The following ENPP2 variants were observed in gnomAD, a reference collection of about 807,000 sequenced individuals.
ENPP2 encodes the protein ectonucleotide pyrophosphatase/phosphodiesterase 2, also known as autotaxin.
A neutral mutation model predicts 120.2 loss-of-function variants in ENPP2; 51 were observed. That is an observed-to-expected ratio of 0.42 (90% CI 0.34 to 0.54). The LOEUF is 0.54. Ranked by LOEUF, ENPP2 falls within the 20% of genes least tolerant of loss-of-function variation. ENPP2 has a pLI of 0.04. For missense variants in ENPP2, 920 were observed against 1,066.5 expected, an observed-to-expected ratio of 0.86 and a Z score of 1.91; for synonymous variants, 365 against 366.4, an observed-to-expected ratio of 1.00 and a Z score of 0.04.
chr8:119,639,816 T>C (rs1817217334), upstream of ENPP2, among the ~76,000 whole-genome samples: 1 of 152,230 alleles, frequency 6.6e-6, no homozygotes, highest in Non-Finnish European at 1.5e-5. Context: ...GTTTCTTTAC[T>C]AAGCAATTTG....
At position 119,574,184 on chromosome 8, in the gene ENPP2, GC is replaced by G. The variant is rs1812174392; in HGVS notation, c.1781-3344del. Among the ~76,000 whole-genome samples the G allele has an allele frequency of 2.0e-5, 3 of 151,992 alleles. No individual in the cohort carries two copies. The South Asian group carries it at 6.2e-4, about 32-fold the overall frequency. ...AAAGAATCACAGATTCAGAGTCATA[GC>G]CTGACTCTCCTAGTCTTTATGACAT... On this transcript the variant is annotated intron_variant, in intron 19 of 24. Transcript: ENST00000075322.
intron 19 of ENPP2, among the ~76,000 whole-genome samples, chr8:119,574,156 A>G (rs1812172214): frequency 6.6e-6 from 1 of 152,108 alleles, no homozygotes. Context: ...TTATCAAAGT[A>G]TCAAAGAATC....
chr8:119,664,728 G>C (rs867616332), intron 1 of ENPP2, among the ~76,000 whole-genome samples: 1 of 152,076 alleles, frequency 6.6e-6, no homozygotes, highest in African/African-American at 2.4e-5. Flanking sequence ...GATCACTTGA[G>C]GTCACAGTTC....
chr8:119,562,749 G>A, intron 24 of ENPP2, 108 bp downstream of exon 24: 1 of 1,139,422 alleles, frequency 8.8e-7, no homozygotes, highest in Non-Finnish European at 1.3e-6. Flanking sequence ...TCTGTTTAGG[G>A]TGAATGCTTT....
At chr8:119,609,093 C>A (rs375202911) in intron 8 of ENPP2, among the ~76,000 whole-genome samples, 1 of 152,116 alleles carries the variant, frequency 6.6e-6, no homozygotes, top group Admixed American at 6.6e-5. Context: ...TTGTCACCAG[C>A]CTTTGAGAGT....
chr8:119,568,531 T>C (rs1814681090), intron 21 of ENPP2, among the ~76,000 whole-genome samples: 1 of 152,120 alleles, frequency 6.6e-6, no homozygotes, highest in Non-Finnish European at 1.5e-5. Context: ...GTAAAATAAC[T>C]CCTTGATTTC....
chr8:119,621,851 A>C (rs1340493014), intron 3 of ENPP2, among the ~76,000 whole-genome samples: 1 of 152,202 alleles, frequency 6.6e-6, no homozygotes, highest in Non-Finnish European at 1.5e-5. Flanking sequence ...TGATAGGGCT[A>C]TCTACTGTTG....
intron 1 of ENPP2, among the ~76,000 whole-genome samples, chr8:119,667,883 C>T (rs556689324): frequency 6.9e-4 from 105 of 152,338 alleles, no homozygotes; most frequent in African/African-American, 2.4e-3. Flanking sequence ...TCAGCCACCA[C>T]TCCAGTCTCA....
intron 1 of ENPP2, among the ~76,000 whole-genome samples, chr8:119,665,260 A>C (rs1489561036): frequency 6.6e-6 from 1 of 152,204 alleles, no homozygotes; most frequent in Non-Finnish European, 1.5e-5. Flanking sequence ...TTATTCTATT[A>C]AAAAGTGGTC....
intron 11 of ENPP2, among the ~76,000 whole-genome samples, chr8:119,599,210 A>G (rs912322309): frequency 6.6e-6 from 1 of 152,222 alleles, no homozygotes; most frequent in African/African-American, 2.4e-5. Flanking sequence ...AGGGACAGAA[A>G]AAGAGCATCT....
intron 3 of ENPP2, among the ~76,000 whole-genome samples, chr8:119,626,151 A>T (rs569180501): frequency 5.3e-5 from 8 of 152,208 alleles, no homozygotes; most frequent in Non-Finnish European, 1.2e-4. Context: ...TGAAGCCAGG[A>T]GTTCAAGACC....
At chr8:119,592,766 C>A (rs1230445098) in intron 12 of ENPP2, among the ~76,000 whole-genome samples, 1 of 149,100 alleles carries the variant, frequency 6.7e-6, no homozygotes, top group Non-Finnish European at 1.5e-5. Flanking sequence ...ATGCATGGAG[C>A]ATGACTTCGC....
At chr8:119,616,414 A>T in intron 7 of ENPP2, 30 bp from the exon 8 acceptor site, 4 of 1,509,302 alleles carry the variant, frequency 2.7e-6, no homozygotes, top group Non-Finnish European at 3.7e-6. Flanking sequence ...TATTGTTAAA[A>T]TAACAATACA....
In ENPP2 at chr8:119,580,212, A is replaced by G. The variant is rs188635570; in HGVS notation, c.1729-45T>C. ...TAAAGGAAAAAAGAAAGCAAATCAG[A>G]AATGTTCTTTCCCTCTGTGCCCTTC... On this transcript the variant is annotated intron_variant, in intron 18 of 24. Transcript: ENST00000075322. 1.3e-4 allele frequency: 199 copies of G among 1,501,876 alleles called. No individual in the cohort carries two copies. The African/African-American group carries it at 2.1e-3, about 16-fold the overall frequency. 93.0% of individuals were successfully genotyped at this position (1,501,876 alleles called of 1,614,324 possible).
chr8:119,631,885 C>CAGA (rs1385814843), intron 2 of ENPP2, among the ~76,000 whole-genome samples: 1 of 152,088 alleles, frequency 6.6e-6, no homozygotes, highest in African/African-American at 2.4e-5. Context: ...GGAGTCTTCA[C>CAGA]GTTCCCTGTC....
At chr8:119,655,973 G>T (rs115505507) in intron 1 of ENPP2, among the ~76,000 whole-genome samples, 2,174 of 152,276 alleles carry the variant, frequency 0.014, 55 homozygotes, top group African/African-American at 0.05. Flanking sequence ...TTCAGAAGCA[G>T]AACTGATTCT....
chr8:119,585,188 T>C (rs1813018658), intron 15 of ENPP2, among the ~76,000 whole-genome samples: 1 of 152,194 alleles, frequency 6.6e-6, no homozygotes, highest in African/African-American at 2.4e-5. Flanking sequence ...TCCCAATTAA[T>C]TTACCAGGCC....
chr8:119,580,708 A>G (rs1449020624), intron 18 of ENPP2: 1 of 152,492 alleles, frequency 6.6e-6, no homozygotes, highest in Non-Finnish European at 1.5e-5. Flanking sequence ...ACATTTGCAA[A>G]TTACTAAATG....
intron 19 of ENPP2, among the ~76,000 whole-genome samples, chr8:119,579,613 G>A (rs968120778): frequency 2.0e-5 from 3 of 150,814 alleles, no homozygotes; most frequent in East Asian, 1.9e-4. Context: ...TCACTAATAC[G>A]TGCTCGTTAT....
Sources: gnomAD v4.1 joint callset for allele counts (sites outside exome capture counted in the v4.1 genomes callset) on GRCh38, gnomAD v4.1.1 for gene constraint, MANE v1.5 for transcripts, NCBI Gene and HGNC (gene_info 2026-07-23, HGNC 2026-07-21) for gene names.